The following EYS variants were observed in gnomAD, a reference collection of about 807,000 sequenced individuals.
EYS encodes the protein EGF-like photoreceptor maintenance factor.
Under a neutral mutation model 282.1 loss-of-function variants are expected in EYS, and 250 were observed. The observed-to-expected ratio is 0.89, with a 90% confidence interval of 0.80 to 0.98. The LOEUF (loss-of-function observed/expected upper bound fraction) is 0.98. EYS is among the 50% of genes least tolerant of loss of function. The pLI is 0.00. For missense variants in EYS, 4,016 were observed against 3,709.0 expected (o/e 1.08, Z -2.15); for synonymous variants, 1,355 against 1,282.9 (o/e 1.06, Z -1.20).
intron 12 of EYS, among the ~76,000 whole-genome samples, chr6:65,194,605 C>T (rs904788249): frequency 3.3e-5 from 5 of 151,920 alleles, no homozygotes; most frequent in Admixed American, 6.6e-5. Flanking sequence ...GCAGAAATCA[C>T]GTTCATTTAA....
intron 14 of EYS, among the ~76,000 whole-genome samples, chr6:64,988,352 C>T (rs1160474741): frequency 2.0e-5 from 3 of 151,438 alleles, no homozygotes; most frequent in Non-Finnish European, 3.0e-5. Context: ...CCTCAGCATC[C>T]GATGATATCA....
chr6:63,856,253 C>A (rs1772388621), intron 36 of EYS, among the ~76,000 whole-genome samples: 1 of 152,000 alleles, frequency 6.6e-6, no homozygotes, highest in African/African-American at 2.4e-5. Flanking sequence ...CAGAGGTTTA[C>A]TTTCCACACA....
At chr6:65,181,509 T>C (rs1581989984) in intron 12 of EYS, among the ~76,000 whole-genome samples, 1 of 152,092 alleles carries the variant, frequency 6.6e-6, no homozygotes, top group African/African-American at 2.4e-5. Flanking sequence ...CATAATGAGA[T>C]ATCATCTCAC....
chr6:64,397,032 C>A (rs921767629), intron 28 of EYS, among the ~76,000 whole-genome samples: 1 of 151,910 alleles, frequency 6.6e-6, no homozygotes, highest in African/African-American at 2.4e-5. Context: ...AATGCTAACG[C>A]CTTATAATTA....
chr6:64,704,254 C>T (rs1402238380), intron 22 of EYS, among the ~76,000 whole-genome samples: 1 of 148,974 alleles, frequency 6.7e-6, no homozygotes, highest in Non-Finnish European at 1.5e-5. Flanking sequence ...TATATCTGTA[C>T]TTTGTTTAAT....
intron 22 of EYS, among the ~76,000 whole-genome samples, chr6:64,700,194 C>T (rs547321931): frequency 1.3e-5 from 2 of 151,862 alleles, no homozygotes; most frequent in Non-Finnish European, 2.9e-5. Flanking sequence ...CTCTTCATGA[C>T]ACAAACCCTC....
At chr6:65,374,069 G>T (rs1269807324) in intron 8 of EYS, among the ~76,000 whole-genome samples, 1 of 152,150 alleles carries the variant, frequency 6.6e-6, no homozygotes, top group Non-Finnish European at 1.5e-5. Context: ...TTTTTTGACA[G>T]TTTGGATTAC....
At chr6:64,411,925 G>GTATATATGTTTATGTATGCATGCATA (rs1561980315) in intron 28 of EYS, among the ~76,000 whole-genome samples, 1 of 117,318 alleles carries the variant, frequency 8.5e-6, no homozygotes, top group Non-Finnish European at 1.9e-5. Context: ...ATGCATGCAT[G>GTATATATGTTTATGTATGCATGCATA]TATGTATATA....
chr6:64,307,365 C>T (rs1166552611), intron 29 of EYS, among the ~76,000 whole-genome samples: 2 of 151,918 alleles, frequency 1.3e-5, no homozygotes, highest in East Asian at 3.9e-4. Context: ...GCTATTCAAC[C>T]TTATAAAAGA....
chr6:65,567,421 T>A (rs1031600738), intron 2 of EYS, among the ~76,000 whole-genome samples: 6 of 151,414 alleles, frequency 4.0e-5, no homozygotes, highest in Non-Finnish European at 7.4e-5. Context: ...AAATTATAAA[T>A]TGATGTTTAT....
intron 19 of EYS, among the ~76,000 whole-genome samples, chr6:64,832,048 G>A (rs1356843553): frequency 6.6e-6 from 1 of 151,754 alleles, no homozygotes; most frequent in East Asian, 2.0e-4. Context: ...AAAAATGAAA[G>A]ATATTAGACA....
chr6:64,037,493 A>G (rs1770177995), intron 33 of EYS, among the ~76,000 whole-genome samples: 1 of 152,232 alleles, frequency 6.6e-6, no homozygotes, highest in African/African-American at 2.4e-5. Flanking sequence ...TTCAAACAAA[A>G]TAGATTGCTA....
At chr6:64,000,621 T>G (rs969832816) in intron 33 of EYS, among the ~76,000 whole-genome samples, 1 of 152,192 alleles carries the variant, frequency 6.6e-6, no homozygotes, top group Admixed American at 6.5e-5. Context: ...AGTAATATTT[T>G]TTCTTAAAAT....
At chr6:63,941,584 G>A (rs1400332512) in intron 35 of EYS, among the ~76,000 whole-genome samples, 1 of 152,088 alleles carries the variant, frequency 6.6e-6, no homozygotes, top group African/African-American at 2.4e-5. Context: ...CTGGATATTA[G>A]CCCCTGAATA....
intron 7 of EYS, among the ~76,000 whole-genome samples, chr6:65,396,879 C>T (rs1766297829): frequency 6.6e-6 from 1 of 151,850 alleles, no homozygotes; most frequent in African/African-American, 2.4e-5. Context: ...CATTTAACAT[C>T]TGCCATCCTA....
At chr6:64,367,291 T>C (rs944700413) in intron 29 of EYS, among the ~76,000 whole-genome samples, 8 of 151,932 alleles carry the variant, frequency 5.3e-5, no homozygotes, top group African/African-American at 1.9e-4. Context: ...TAGAAAGAAA[T>C]GTGTCTTAAG....
At chr6:65,449,974 T>A (rs1253350302) in intron 5 of EYS, among the ~76,000 whole-genome samples, 1 of 152,122 alleles carries the variant, frequency 6.6e-6, no homozygotes, top group African/African-American at 2.4e-5. Flanking sequence ...ATCAAAAAAT[T>A]CTGTGATCAT....
intron 28 of EYS, among the ~76,000 whole-genome samples, chr6:64,397,762 G>A (rs1468633900): frequency 6.6e-6 from 1 of 151,762 alleles, no homozygotes; most frequent in Non-Finnish European, 1.5e-5. Context: ...CTACTTCATT[G>A]ACTTCTGCTC....
At chr6:65,010,854 C>A (rs1392758253) in intron 13 of EYS, among the ~76,000 whole-genome samples, 1 of 152,144 alleles carries the variant, frequency 6.6e-6, no homozygotes, top group Non-Finnish European at 1.5e-5. Context: ...CATCAGGAAG[C>A]CATTAGGAGA....
Sources: allele counts gnomAD v4.1 joint callset (sites outside exome capture counted in the v4.1 genomes callset), GRCh38; gene constraint gnomAD v4.1.1; transcripts MANE v1.5; gene names NCBI Gene and HGNC (gene_info 2026-07-23, HGNC 2026-07-21).